EFCAB6: variants seen among roughly 807,000 people sequenced by gnomAD.
The protein encoded by EFCAB6 is EF-hand calcium binding domain 6, also known as EF-hand calcium-binding domain-containing protein 6.
Under a neutral mutation model 169.8 loss-of-function variants are expected in EFCAB6, and 156 were observed. That is an observed-to-expected ratio of 0.92 (90% CI 0.81 to 1.05). The LOEUF (loss-of-function observed/expected upper bound fraction) is 1.05. EFCAB6 is among the 50% of genes least tolerant of loss of function. EFCAB6 has a pLI of 0.00. For synonymous variants in EFCAB6, 698 were observed against 676.4 expected (o/e 1.03, Z -0.50); for missense variants, 1,800 against 1,829.1 (o/e 0.98, Z 0.29).
At chr22:43,647,918 A>G (rs1320300590) in intron 17 of EFCAB6, among the ~76,000 whole-genome samples, 2 of 152,158 alleles carry the variant, frequency 1.3e-5, no homozygotes, top group Non-Finnish European at 2.9e-5. Context: ...CTCTGCTGAC[A>G]CCTTGATTCC....
intron 22 of EFCAB6, among the ~76,000 whole-genome samples, chr22:43,601,000 AAAG>A (rs2052476900): frequency 6.6e-6 from 1 of 152,206 alleles, no homozygotes; most frequent in East Asian, 1.9e-4. Flanking sequence ...CTTACCTGTG[AAAG>A]GAATTATGCT....
chr22:43,733,709 G>A (rs946815081), intron 7 of EFCAB6, among the ~76,000 whole-genome samples: 1 of 152,098 alleles, frequency 6.6e-6, no homozygotes, highest in African/African-American at 2.4e-5. Flanking sequence ...GGGCTGCTCA[G>A]TCCCCCCTTT....
chr22:43,665,692 C>G (rs1003523043), intron 17 of EFCAB6, among the ~76,000 whole-genome samples: 1 of 152,222 alleles, frequency 6.6e-6, no homozygotes, highest in African/African-American at 2.4e-5. Flanking sequence ...TCCATTGAAA[C>G]TGCTCTAATC....
At chr22:43,645,821 G>A (rs979773642) in intron 17 of EFCAB6, among the ~76,000 whole-genome samples, 3 of 151,342 alleles carry the variant, frequency 2.0e-5, no homozygotes, top group Non-Finnish European at 4.4e-5. Context: ...CTGGTTAAGT[G>A]TTATATGGAA....
intron 10 of EFCAB6, among the ~76,000 whole-genome samples, chr22:43,688,687 A>G (rs2058292126): frequency 6.6e-6 from 1 of 152,242 alleles, no homozygotes; most frequent in Non-Finnish European, 1.5e-5. Context: ...CTAATAGGTC[A>G]AAAAGCCTCG....
At chr22:43,704,452 C>A (rs139991527) in intron 10 of EFCAB6, among the ~76,000 whole-genome samples, 1 of 152,046 alleles carries the variant, frequency 6.6e-6, no homozygotes, top group Non-Finnish European at 1.5e-5. Flanking sequence ...ATAAATATTA[C>A]GCAGTCATGT....
Position 43,672,261 on chromosome 22 carries a change from G to T in EFCAB6, c.1464C>A (p.Leu488=). The change falls in exon 14 of 32, where the codon CTC becomes CTA. Residue 488 remains leucine, a synonymous_variant. Coordinates refer to ENST00000262726, the MANE Select transcript of EFCAB6 (RefSeq NM_022785.4). ...TGTTACTTACTGAATCCCAGGCCAG[G>T]AGGAAAGGTGTCTTAGCATCTGTAC... is the stretch of plus-strand genomic sequence containing the variant. ...SPCTDAKTPF[L]LAWDSVEEIV... 1 of 1,614,178 alleles carries T rather than the reference G, an allele frequency of 6.2e-7. No homozygotes were observed.
At chr22:43,534,965 G>A in intron 29 of EFCAB6, 93 bp from the exon 30 acceptor site, 1 of 1,367,562 alleles carries the variant, frequency 7.3e-7, no homozygotes, top group Non-Finnish European at 1.0e-6. Context: ...CACCTTCTCT[G>A]CTTCAGGCCC....
chr22:43,730,176 A>T (rs561485819), intron 8 of EFCAB6, among the ~76,000 whole-genome samples: 2 of 94,792 alleles, frequency 2.1e-5, no homozygotes, highest in South Asian at 7.6e-4. Flanking sequence ...AGCAAGCGAG[A>T]CCTTGTAGAA....
chr22:43,635,151 G>C lies in EFCAB6; in HGVS notation c.2049C>G (p.Gly683=), dbSNP rs1334119733. Residue 683 remains glycine, a synonymous_variant, in exon 18 of 32, where the codon GGC becomes GGG. Coordinates refer to ENST00000262726, the MANE Select transcript of EFCAB6 (RefSeq NM_022785.4). ...DQYALLTTKI[G]FEKEGMSYLD... is the part of the protein sequence containing the mutation. The stretch of plus-strand genomic sequence containing the variant: ...GATAGCTCATCCCTTCCTTCTCGAA[G>C]CCTATTTTAGTGGTCAGCAGGGCAT... The C allele has an allele frequency of 3.1e-6, 5 of 1,614,022 alleles. No individual in the cohort carries two copies. Among genetic ancestry groups the C allele is most frequent in the Non-Finnish European group, 4.2e-6 (5 of 1,180,044 alleles).
At position 43,811,562 on chromosome 22, in the gene EFCAB6, C is replaced by G. The variant is rs150179213; in HGVS notation, c.-145+606G>C. On this transcript the variant is annotated intron_variant, in intron 1 of 31. Transcript: ENST00000262726. ...GTATACCTCACAAAGTGCTTCCAAACAAAATTTCTGAGGGAGGCAGGGGTA... is the reference window on the plus strand; with the variant it reads ...GTATACCTCACAAAGTGCTTCCAAAGAAAATTTCTGAGGGAGGCAGGGGTA... 5.7e-3 allele frequency among the ~76,000 whole-genome samples: 871 copies of G among 152,180 alleles called. 8 individuals carry two copies. Among genetic ancestry groups the G allele is most frequent in the African/African-American group, 0.02 (813 of 41,522 alleles).
intron 2 of EFCAB6, among the ~76,000 whole-genome samples, chr22:43,802,021 G>A (rs192900826): frequency 6.6e-6 from 1 of 152,192 alleles, no homozygotes; most frequent in Non-Finnish European, 1.5e-5. Context: ...GGGATGGAAA[G>A]GATATTCCAT....
At chr22:43,776,036 A>G (rs1432838336) in intron 3 of EFCAB6, among the ~76,000 whole-genome samples, 1 of 152,256 alleles carries the variant, frequency 6.6e-6, no homozygotes, top group Non-Finnish European at 1.5e-5. Context: ...CACAATGTTT[A>G]GGGCATTTGC....
intron 27 of EFCAB6, 119 bp from the exon 28 acceptor site, chr22:43,540,476 G>T: frequency 6.4e-7 from 1 of 1,556,346 alleles, no homozygotes; most frequent in Non-Finnish European, 8.6e-7. Context: ...CACGTGACTG[G>T]TGAAGAAGAA....
intron 10 of EFCAB6, among the ~76,000 whole-genome samples, chr22:43,693,175 A>G (rs1319799967): frequency 6.6e-6 from 1 of 152,234 alleles, no homozygotes; most frequent in East Asian, 1.9e-4. Context: ...ACAAGATCCA[A>G]ATTTATGCAG....
chr22:43,569,607 A>G (rs1244463523), intron 26 of EFCAB6, among the ~76,000 whole-genome samples: 1 of 152,170 alleles, frequency 6.6e-6, no homozygotes, highest in Admixed American at 6.5e-5. Context: ...GCCTGCGATA[A>G]TACTCCTTCT....
intron 26 of EFCAB6, among the ~76,000 whole-genome samples, chr22:43,556,809 A>G (rs561123064): frequency 3.3e-5 from 5 of 152,352 alleles, no homozygotes; most frequent in African/African-American, 1.2e-4. Context: ...CGGAGCTTCT[A>G]TACATCTTCA....
At chr22:43,593,335 T>C (rs181143636) in intron 23 of EFCAB6, among the ~76,000 whole-genome samples, 1 of 152,200 alleles carries the variant, frequency 6.6e-6, no homozygotes, top group South Asian at 2.1e-4. Context: ...TTTAGCTGCA[T>C]GCCCATGCTC....
At chr22:43,692,636 TAGAGA>T (rs1409443121) in intron 10 of EFCAB6, among the ~76,000 whole-genome samples, 4 of 151,918 alleles carry the variant, frequency 2.6e-5, no homozygotes, top group Admixed American at 6.6e-5. Context: ...ATAGAGAAGA[TAGAGA>T]AAAGAGTGAG....
Sources: gnomAD v4.1 joint callset for allele counts (sites outside exome capture counted in the v4.1 genomes callset) on GRCh38, gnomAD v4.1.1 for gene constraint, MANE v1.5 for transcripts, NCBI Gene and HGNC (gene_info 2026-07-23, HGNC 2026-07-21) for gene names.